The following TRIM2 variants were observed in gnomAD, a reference collection of about 807,000 sequenced individuals.
TRIM2 encodes the protein tripartite motif containing 2.
A neutral mutation model predicts 75.2 loss-of-function variants in TRIM2; 20 were observed. The observed-to-expected ratio is 0.27, with a 90% CI of 0.19 to 0.39. TRIM2 has a LOEUF of 0.39. Among genes scored for constraint, TRIM2 ranks in the 10% least tolerant of loss-of-function variants. TRIM2 has a pLI of 1.00. For synonymous variants in TRIM2, 373 were observed against 388.3 expected (o/e 0.96, Z 0.46); for missense variants, 660 against 990.8 (o/e 0.67, Z 4.48).
chr4:153,244,355 C>CTTCCTCTTCTTCTTCTCCT lies in TRIM2; in HGVS notation c.31-25979_31-25978insTCCTCTTCTTCTTCTCCTT, dbSNP rs1748079616. On this transcript the variant is annotated intron_variant, in intron 1 of 11. Transcript: ENST00000338700. ...CTTCTTCTTCTTCTTCTTCTTCTTC[C>CTTCCTCTTCTTCTTCTCCT]TCTTCTTCTTCTTCTTCTTCTTCTT... Among the ~76,000 whole-genome samples the CTTCCTCTTCTTCTTCTCCT allele has an allele frequency of 2.4e-4, 3 of 12,714 alleles. 1 individual carries two copies. Among genetic ancestry groups the CTTCCTCTTCTTCTTCTCCT allele is most frequent in the African/African-American group, 1.0e-3 (2 of 1,970 alleles). 8.3% of individuals were successfully genotyped at this position (12,714 alleles called of 152,430 possible).
chr4:153,180,962 A>G (rs1731996936), intron 1 of TRIM2, among the ~76,000 whole-genome samples: 1 of 152,214 alleles, frequency 6.6e-6, no homozygotes, highest in Non-Finnish European at 1.5e-5. Flanking sequence ...GAGATTGCCT[A>G]TACACTTGTC....
chr4:153,331,333 AC>A (rs986360180), intron 11 of TRIM2, among the ~76,000 whole-genome samples: 8 of 152,210 alleles, frequency 5.3e-5, no homozygotes, highest in Non-Finnish European at 8.8e-5. Context: ...TTAAGAAAAA[AC>A]AAAAAAAAAT....
chr4:153,186,795 C>T (rs1560794792), intron 1 of TRIM2, among the ~76,000 whole-genome samples: 1 of 152,096 alleles, frequency 6.6e-6, no homozygotes, highest in Non-Finnish European at 1.5e-5. Flanking sequence ...TCCTCTAGAC[C>T]TTAAGAAATG....
At position 153,196,274 on chromosome 4, in the gene TRIM2, CA is replaced by C. The variant is rs1560802212; in HGVS notation, c.-49+43005del. On this transcript the variant is annotated intron_variant, in intron 1 of 11. Transcript: ENST00000437508. ...ACCCCATTCCTACCACCCCCCCCCA[CA>C]CACACACACACACAAACTGGGTGCA... 2.0e-3 allele frequency among the ~76,000 whole-genome samples: 263 copies of C among 133,822 alleles called. 4 individuals are homozygous for C. Among genetic ancestry groups the C allele is most frequent in the African/African-American group, 8.0e-3 (241 of 30,112 alleles). The allele number at this position is 133,822 out of a possible 152,430, so 87.8% of individuals were successfully genotyped here.
rs1265403388 is a variant in TRIM2, at chr4:153,248,001, T to G, written c.31-22334T>G. Among the ~76,000 whole-genome samples the G allele has an allele frequency of 2.7e-5, 4 of 150,756 alleles. No individual in the cohort carries two copies. Among genetic ancestry groups the G allele is most frequent in the East Asian group, 2.0e-4 (1 of 5,122 alleles). On this transcript the variant is annotated intron_variant, in intron 1 of 11. Transcript: ENST00000338700. This position sits in a 1 kb window ranked among gnomAD's most constrained non-coding sequence, Gnocchi z 4.0. ...ATCAGGCATTGGATCATGTGTTTTTTTTTTTTTTTTTTGAGATGGAGTCTC... is the reference window on the plus strand; with the variant it reads ...ATCAGGCATTGGATCATGTGTTTTTGTTTTTTTTTTTTGAGATGGAGTCTC...
At position 153,295,722 on chromosome 4, in the gene TRIM2, C is replaced by G. The variant is rs781013555; in HGVS notation, c.1196C>G (p.Pro399Arg). ...TACCTCACCGCCGAACTGAGCACCC[C>G]CGACGGGAGCGTGGCAGACGGGGAG... Reference protein sequence around the residue: ...NAYLTAELSTPDGSVADGEIL... With the variant: ...NAYLTAELSTRDGSVADGEIL... Residue 399 changes from proline (P) to arginine (R), a missense_variant, in exon 6 of 12, where the codon CCC (proline) becomes CGC (arginine). Transcript: ENST00000338700. The surrounding 1 kb of genome is among the most constrained non-coding windows in gnomAD (Gnocchi z 7.2). 1.2e-6 allele frequency: 2 copies of G among 1,614,014 alleles called. No individual in the cohort carries two copies. Among genetic ancestry groups the G allele is most frequent in the South Asian group, 1.1e-5 (1 of 91,056 alleles).
intron 1 of TRIM2, chr4:153,257,316 G>T (rs1342939755): frequency 1.3e-6 from 1 of 773,540 alleles, no homozygotes; most frequent in Non-Finnish European, 1.6e-6. Context: ...AGCCACCCAC[G>T]AATCTCATTG....
intron 1 of TRIM2, among the ~76,000 whole-genome samples, chr4:153,238,964 A>G (rs1258310451): frequency 6.6e-6 from 1 of 152,136 alleles, no homozygotes; most frequent in Non-Finnish European, 1.5e-5. Flanking sequence ...GTATTTGGAG[A>G]CGGAGCCTTT....
rs557838259 is a variant in TRIM2, at chr4:153,293,995, C to T, written c.606-310C>T. On this transcript the variant is annotated intron_variant, in intron 4 of 11. Transcript: ENST00000338700. ...AAACATCATACAATGCACCAGACGG[C>T]CCCTGCAACGAAGAATTAACCTGGC... Among the ~76,000 whole-genome samples the T allele has an allele frequency of 9.9e-5, 15 of 152,236 alleles. 1 individual carries two copies. Among genetic ancestry groups the T allele is most frequent in the African/African-American group, 3.1e-4 (13 of 41,530 alleles).
chr4:153,155,949 G>A (rs1729192651), intron 1 of TRIM2, among the ~76,000 whole-genome samples: 1 of 152,254 alleles, frequency 6.6e-6, no homozygotes, highest in African/African-American at 2.4e-5. Flanking sequence ...ACTTGCTGAG[G>A]AGGCAGCTGT....
chr4:153,285,802 A>G (rs1443707499), intron 3 of TRIM2, among the ~76,000 whole-genome samples: 2 of 152,106 alleles, frequency 1.3e-5, no homozygotes, highest in Non-Finnish European at 2.9e-5. Context: ...TTTTCTGTAT[A>G]TAAGATCATG....
rs1462821660 is a variant in TRIM2 at position 153,336,893 on chromosome 4, A to C, written c.*1927A>C. On this transcript the variant is annotated 3_prime_UTR_variant, in exon 12 of 12. Coordinates refer to ENST00000338700, the MANE Select transcript of TRIM2 (RefSeq NM_015271.5). ...AGCCTGTCCGTGATAAAGCTATAAA[A>C]TTCAATAACTTTTTAGAATGTTAAA... 6 of 985,092 alleles carry C rather than the reference A, an allele frequency of 6.1e-6. No individual in the cohort carries two copies. The highest frequency in any genetic ancestry group is 7.2e-6 in the Non-Finnish European group (6 of 829,436). 61.0% of individuals were successfully genotyped at this position (985,092 alleles called of 1,614,324 possible).
intron 1 of TRIM2, among the ~76,000 whole-genome samples, chr4:153,180,979 G>A (rs1004815630): frequency 6.6e-6 from 1 of 152,198 alleles, no homozygotes; most frequent in East Asian, 1.9e-4. Context: ...TGTCCCAAGT[G>A]TCACAAAGAG....
intron 1 of TRIM2, among the ~76,000 whole-genome samples, chr4:153,206,702 G>C (rs148029081): frequency 9.9e-4 from 150 of 152,214 alleles, no homozygotes; most frequent in African/African-American, 3.5e-3. Context: ...CAGGGTCAGG[G>C]GGTGTGTATG....
In TRIM2 at chr4:153,295,634, C is replaced by T; in HGVS notation, c.1108C>T (p.Pro370Ser). Reference sequence around the variant, plus strand: ...GCTGCGGCAGACCATCATCGGGCAGCCCATGTCCGTCACCATCACCACCAA... The same window carrying T: ...GCTGCGGCAGACCATCATCGGGCAGTCCATGTCCGTCACCATCACCACCAA... ...EGLRQTIIGQ[P>S]MSVTITTKDK... Residue 370 changes from proline to serine, a missense_variant, in exon 6 of 12, where the codon CCC becomes TCC. Coordinates refer to ENST00000338700, the MANE Select transcript of TRIM2 (RefSeq NM_015271.5). The surrounding 1 kb of genome is among the most constrained non-coding windows in gnomAD (Gnocchi z 7.2). 1.2e-6 allele frequency: 2 copies of T among 1,614,012 alleles called. No homozygotes were observed. Among genetic ancestry groups the T allele is most frequent in the South Asian group, 1.1e-5 (1 of 91,068 alleles).
Position 153,296,059 on chromosome 4 carries a change from C to T in TRIM2, c.1510+23C>T, listed in dbSNP as rs188175380. The T allele has an allele frequency of 1.2e-4, 186 of 1,511,526 alleles. 1 individual carries two copies. The African/African-American group carries it at 2.1e-3, about 17-fold the overall frequency. 93.6% of individuals were successfully genotyped at this position (1,511,526 alleles called of 1,614,324 possible). On this transcript the variant is annotated intron_variant, in intron 6 of 11. Transcript: ENST00000338700. ...TGGGTAAGGAGAGGGCTTCTGTGCC[C>T]GACGCCTGAGCTGGCACTGGTTAAG...
chr4:153,225,418 G>A (rs1055977279), intron 1 of TRIM2, among the ~76,000 whole-genome samples: 1 of 152,174 alleles, frequency 6.6e-6, no homozygotes, highest in African/African-American at 2.4e-5. Flanking sequence ...TGTTTGAGAG[G>A]CTATTCTGTG....
chr4:153,295,308 C>A lies in TRIM2; in HGVS notation c.787-5C>A, dbSNP rs756820289. On this transcript the variant is annotated splice_region_variant and splice_polypyrimidine_tract_variant and intron_variant, in intron 5 of 11. Coordinates refer to ENST00000338700, the MANE Select transcript of TRIM2 (RefSeq NM_015271.5). The surrounding 1 kb of genome is among the most constrained non-coding windows in gnomAD (Gnocchi z 7.2). ...GAGCTCACCAGGCCTCCGGTTTTCC[C>A]GCAGGTCCTCCAGTCGCAGCTGGAT... 3 of 1,579,782 alleles carry A rather than the reference C, an allele frequency of 1.9e-6. No individual in the cohort carries two copies. The highest frequency in any genetic ancestry group is 4.5e-5 in the East Asian group (2 of 44,040).
chr4:153,196,894 A>G (rs1482692018), intron 1 of TRIM2, among the ~76,000 whole-genome samples: 4 of 152,238 alleles, frequency 2.6e-5, no homozygotes, highest in Non-Finnish European at 2.9e-5. Context: ...CTCCCAGGCC[A>G]TTGCTTGGTC....
Sources: allele counts gnomAD v4.1 joint callset (sites outside exome capture counted in the v4.1 genomes callset), GRCh38; gene constraint gnomAD v4.1.1; non-coding constraint Gnocchi (gnomAD v3.1); transcripts MANE v1.5; gene names NCBI Gene and HGNC (gene_info 2026-07-23, HGNC 2026-07-21).